The following KAT8 variants were observed in gnomAD, a reference collection of about 807,000 sequenced individuals.
KAT8 encodes the protein lysine acetyltransferase 8, also known as histone acetyltransferase KAT8.
KAT8 carries 40 observed loss-of-function variants against 62.9 expected under a neutral mutation model. The observed-to-expected ratio is 0.64, with a 90% CI of 0.49 to 0.83. The LOEUF (loss-of-function observed/expected upper bound fraction) is 0.83, where lower values mean the gene tolerates loss of function less well. Ranked by LOEUF, KAT8 falls within the 40% of genes least tolerant of loss-of-function variation. KAT8 has a pLI of 0.00. For missense variants in KAT8, 387 were observed against 614.8 expected (o/e 0.63, Z 3.92); for synonymous variants, 278 against 254.5 (o/e 1.09, Z -0.88).
In KAT8 at chr16:31,130,828, G is replaced by C. The variant is rs769565083; in HGVS notation, c.1240G>C (p.Val414Leu). The change falls in exon 10 of 11, where the codon GTG (valine) becomes CTG (leucine). Residue 414 changes from valine to leucine, a missense_variant. By Grantham distance (32) the Val-to-Leu change is conservative. Transcript: ENST00000219797. ...GGTCAAGTACTGGAAGGGCCAGCACGTGATCTGTGTCACACCCAAGCTGGT... is the reference window on the plus strand; with the variant it reads ...GGTCAAGTACTGGAAGGGCCAGCACCTGATCTGTGTCACACCCAAGCTGGT... ...NMVKYWKGQH[V>L]ICVTPKLVEE... 1 of 1,613,738 alleles carries C rather than the reference G, an allele frequency of 6.2e-7. No homozygotes were observed. Among genetic ancestry groups the C allele is most frequent in the Admixed American group, 1.7e-5 (1 of 59,988 alleles).
chr16:31,118,027 A>C lies in KAT8; in HGVS notation c.211+135A>C, dbSNP rs372038618. 1.5e-5 allele frequency: 10 copies of C among 675,632 alleles called. No individual in the cohort carries two copies. In the African/African-American group the frequency reaches 1.9e-4, roughly 13 times the overall value. 41.9% of individuals were successfully genotyped at this position (675,632 alleles called of 1,614,324 possible). A position where few individuals can be genotyped will look rare whatever the true frequency, so the allele number is the denominator to read the frequency against. On this transcript the variant is annotated intron_variant, in intron 1 of 10. Transcript: ENST00000219797. ...AGAGGAGGAGGGGCGGGGCTTGAGG[A>C]AAGAACGCCGCGTTCCGGGCGCTGA...
chr16:31,121,737 A>G (rs1176256519), intron 3 of KAT8, among the ~76,000 whole-genome samples: 1 of 151,936 alleles, frequency 6.6e-6, no homozygotes, highest in African/African-American at 2.4e-5. Context: ...TTGATACTTA[A>G]TAATTGTACA....
Position 31,131,168 on chromosome 16 carries a change from C to T in KAT8, c.1313-27C>T, listed in dbSNP as rs1316559167. The stretch of plus-strand genomic sequence containing the variant: ...TGAGCTGGCCTGGCCCAGGCCCAGC[C>T]CTGCCTCCCGCCCCTTCTCCCCACA... On this transcript the variant is annotated intron_variant, in intron 10 of 10. Coordinates refer to ENST00000219797, the MANE Select transcript of KAT8 (RefSeq NM_032188.3). 1.9e-6 allele frequency: 3 copies of T among 1,612,916 alleles called. No homozygotes were observed. The African/African-American group carries it at 4.0e-5, about 22-fold the overall frequency.
intron 9 of KAT8, 49 bp from the exon 10 acceptor site, chr16:31,130,697 A>T (rs759118908): frequency 6.2e-7 from 1 of 1,612,006 alleles, no homozygotes; most frequent in East Asian, 2.2e-5. Context: ...TCCTGGCCAG[A>T]TCCCACAAGG....
chr16:31,130,118 G>A lies in KAT8; in HGVS notation c.873G>A (p.Val291=), dbSNP rs2057563793. 1 of 1,613,570 alleles carries A rather than the reference G, an allele frequency of 6.2e-7. No individual in the cohort carries two copies. Among genetic ancestry groups the A allele is most frequent in the East Asian group, 2.2e-5 (1 of 44,832 alleles). ...TCGTCTTTTACATCCTGACTGAGGT[G>A]GACCGGCAGGGGGCCCACATTGTTG... is the stretch of plus-strand genomic sequence containing the variant. ...EPFVFYILTE[V]DRQGAHIVGY... Residue 291 remains valine, a synonymous_variant, in exon 7 of 11, where the codon GTG becomes GTA. Coordinates refer to ENST00000219797, the MANE Select transcript of KAT8 (RefSeq NM_032188.3).
rs936286772 is a variant in KAT8, at chr16:31,121,563, G to A, written c.462+1049G>A. 3.9e-5 allele frequency among the ~76,000 whole-genome samples: 6 copies of A among 152,196 alleles called. No individual in the cohort carries two copies. The South Asian group carries it at 1.2e-3, about 32-fold the overall frequency. On this transcript the variant is annotated intron_variant, in intron 3 of 10. Transcript: ENST00000219797. ...TAAATTGTGCTACCTCAGAGCCAGA[G>A]GCCTTAGCAATGATTTTGGTTTTTT...
chr16:31,126,035 A>G (rs1174662889), intron 3 of KAT8: 1 of 152,266 alleles, frequency 6.6e-6, no homozygotes. Flanking sequence ...AGGGGGTGGT[A>G]AGAATCTCAA....
chr16:31,126,985 C>A (rs762658368), intron 3 of KAT8, 50 bp from the exon 4 acceptor site: 2 of 1,604,006 alleles, frequency 1.2e-6, no homozygotes, highest in South Asian at 2.2e-5. Flanking sequence ...GGAGGGACAG[C>A]CTGGTCACCA....
Position 31,120,395 on chromosome 16 carries a change from G to A in KAT8, c.343G>A (p.Val115Met), listed in dbSNP as rs775538649. ...DKNRLALTKT[V>M]KDAVQKNSEK... ...GAACCGGCTGGCGCTGACCAAGACA[G>A]TGAAGGATGCTGTACAGAAGAACTC... Residue 115 changes from valine (V) to methionine (M), a missense_variant, in exon 3 of 11, where the codon GTG becomes ATG. Transcript: ENST00000219797. 1 of 1,614,126 alleles carries A rather than the reference G, an allele frequency of 6.2e-7. No individual in the cohort carries two copies. The highest frequency in any genetic ancestry group is 8.5e-7 in the Non-Finnish European group (1 of 1,180,006).
At chr16:31,122,458 C>T (rs1262054226) in intron 3 of KAT8, 1 of 151,952 alleles carries the variant, frequency 6.6e-6, no homozygotes, top group African/African-American at 2.4e-5. Context: ...AAGAACTCCT[C>T]AAGGTCTAAA....
Position 31,117,783 on chromosome 16 carries a change from C to G in KAT8, c.102C>G (p.Thr34=). The G allele has an allele frequency of 7.2e-7, 1 of 1,398,284 alleles. No individual in the cohort carries two copies. 86.6% of individuals were successfully genotyped at this position (1,398,284 alleles called of 1,614,324 possible). A position where few individuals can be genotyped will look rare whatever the true frequency, so the allele number is the denominator to read the frequency against. Reference sequence around the variant, plus strand: ...GGGAGAATGCGGCCGCTGAGGGGACCGCCCCATCCCCGGGCCGCGTCTCTC... The same window carrying G: ...GGGAGAATGCGGCCGCTGAGGGGACGGCCCCATCCCCGGGCCGCGTCTCTC... The part of the protein sequence containing the change: ...GPGENAAAEG[T]APSPGRVSPP... The change falls in exon 1 of 11, where the codon ACC becomes ACG. Residue 34 remains threonine (T), a synonymous_variant. Transcript: ENST00000219797.
chr16:31,127,940 A>G (rs72785554), intron 5 of KAT8, 110 bp from the exon 6 acceptor site: 55,165 of 761,026 alleles, frequency 0.072, 2,541 homozygotes, highest in Non-Finnish European at 0.091. Context: ...TGAAGTGTTG[A>G]GGGGGGAAAC....
At chr16:31,119,242 C>T (rs571694622) in intron 1 of KAT8, among the ~76,000 whole-genome samples, 6 of 152,250 alleles carry the variant, frequency 3.9e-5, no homozygotes, top group Non-Finnish European at 5.9e-5. Flanking sequence ...CTCTGCCTCC[C>T]GGATTCAAGC....
At chr16:31,128,011 A>C (rs1025968092) in intron 5 of KAT8, 39 bp from the exon 6 acceptor site, 2 of 1,515,256 alleles carry the variant, frequency 1.3e-6, no homozygotes, top group African/African-American at 2.7e-5. Context: ...CTAGCAGAGA[A>C]CATATGGGCA....
intron 3 of KAT8, among the ~76,000 whole-genome samples, chr16:31,123,050 G>A (rs2057508803): frequency 6.6e-6 from 1 of 152,018 alleles, no homozygotes. Context: ...GGGCGTGGTG[G>A]TGCACACCTG....
At chr16:31,131,122 C>A in intron 10 of KAT8, 73 bp from the exon 11 acceptor site, 1 of 1,594,110 alleles carries the variant, frequency 6.3e-7, no homozygotes, top group Non-Finnish European at 8.5e-7. Flanking sequence ...TGGCCTGAGC[C>A]CAGAGGAGGG....
Position 31,128,087 on chromosome 16 carries a change from T to C in KAT8, c.719T>C (p.Ile240Thr). ...CQWRQPPGKE[I>T]YRKSNISVYE... ...TGGCGGCAGCCCCCCGGGAAAGAGA[T>C]CTACCGCAAGAGCAACATCTCCGTG... is the stretch of plus-strand genomic sequence containing the variant. Residue 240 changes from isoleucine (I) to threonine (T), a missense_variant, in exon 6 of 11, where the codon ATC (isoleucine) becomes ACC (threonine). Physicochemically the swap from Ile to Thr is moderately conservative, Grantham distance 89 (BLOSUM62 -1). Transcript: ENST00000219797. 1 of 1,613,576 alleles carries C rather than the reference T, an allele frequency of 6.2e-7. No homozygotes were observed. Among genetic ancestry groups the C allele is most frequent in the Non-Finnish European group, 8.5e-7 (1 of 1,179,840 alleles).
Position 31,128,093 on chromosome 16 carries a change from G to C in KAT8, c.725G>C (p.Arg242Pro), listed in dbSNP as rs2057547080. The change falls in exon 6 of 11, where the codon CGC (arginine) becomes CCC (proline). Residue 242 changes from arginine to proline, a missense_variant. Arg to Pro is a moderately radical substitution (Grantham distance 103). Around this residue, in one of 6 missense-constraint regions of KAT8, gnomAD observed 141 missense variants for 222.5 expected, o/e 0.63. Transcript: ENST00000219797. ...WRQPPGKEIY[R>P]KSNISVYEVD... is the part of the protein sequence containing the mutation. ...CAGCCCCCCGGGAAAGAGATCTACC[G>C]CAAGAGCAACATCTCCGTGTACGAA... 1.2e-6 allele frequency: 2 copies of C among 1,614,004 alleles called. No homozygotes were observed. Among genetic ancestry groups the C allele is most frequent in the Non-Finnish European group, 1.7e-6 (2 of 1,179,964 alleles).
rs554637171 is a variant in KAT8 at position 31,119,147 on chromosome 16, AT to A, written c.212-1030del. Among the ~76,000 whole-genome samples the A allele has an allele frequency of 2.3e-3, 351 of 150,954 alleles. 1 individual carries two copies. The highest frequency in any genetic ancestry group is 3.8e-3 in the Non-Finnish European group (254 of 67,678). On this transcript the variant is annotated intron_variant, in intron 1 of 10. Transcript: ENST00000219797. ...GAAGTAGGGAGCTGGAATTTTGTGT[AT>A]TTTTTTTTGTTTGTTTGTTTGAGAT... is the stretch of plus-strand genomic sequence containing the variant.
Sources: gnomAD v4.1 joint callset for allele counts (sites outside exome capture counted in the v4.1 genomes callset) on GRCh38, gnomAD v4.1.1 for gene constraint, gnomAD v4.1.1 regional missense constraint, MANE v1.5 for transcripts, NCBI Gene and HGNC (gene_info 2026-07-23, HGNC 2026-07-21) for gene names.